The following DENND2B variants were observed in gnomAD, a reference collection of about 807,000 sequenced individuals.
DENND2B encodes DENN domain-containing protein 2B.
DENND2B carries 32 observed loss-of-function variants against 116.0 expected under a neutral mutation model. The observed-to-expected ratio is 0.28, with a 90% CI of 0.21 to 0.37. The LOEUF is 0.37. Ranked by LOEUF, DENND2B falls within the 10% of genes least tolerant of loss-of-function variation. DENND2B has a pLI of 1.00. For synonymous variants in DENND2B, 588 were observed against 583.9 expected (o/e 1.01, Z -0.10); for missense variants, 1,276 against 1,477.7 (o/e 0.86, Z 2.24).
intron 4 of DENND2B, among the ~76,000 whole-genome samples, chr11:8,838,368 A>G (rs1312240378): frequency 6.6e-6 from 1 of 152,256 alleles, no homozygotes; most frequent in African/African-American, 2.4e-5. Context: ...GTAACACTGC[A>G]GGGATTAGAA....
At chr11:8,877,173 G>A (rs1252628313) in intron 2 of DENND2B, among the ~76,000 whole-genome samples, 2 of 136,668 alleles carry the variant, frequency 1.5e-5, no homozygotes, top group Admixed American at 8.4e-5. Flanking sequence ...GTGCGATCTC[G>A]GCTCACTGCA....
At chr11:8,876,247 C>T (rs910669191), upstream of DENND2B, among the ~76,000 whole-genome samples, 4 of 151,950 alleles carry the variant, frequency 2.6e-5, no homozygotes, top group East Asian at 7.7e-4. Context: ...CATATATATA[C>T]TTTAATCTTG....
intron 1 of DENND2B, among the ~76,000 whole-genome samples, chr11:8,759,175 G>A (rs2054133549): frequency 6.6e-6 from 1 of 152,188 alleles, no homozygotes; most frequent in African/African-American, 2.4e-5. Context: ...TTTCTGAGGG[G>A]TGCCCCACCT....
intron 1 of DENND2B, among the ~76,000 whole-genome samples, chr11:8,803,617 A>C (rs939989479): frequency 6.6e-6 from 1 of 152,264 alleles, no homozygotes; most frequent in Admixed American, 6.5e-5. Context: ...CAACAGCAGC[A>C]GCTAACATTT....
intron 1 of DENND2B, among the ~76,000 whole-genome samples, chr11:8,790,192 T>G (rs1593731678): frequency 6.6e-6 from 1 of 152,198 alleles, no homozygotes; most frequent in South Asian, 2.1e-4. Flanking sequence ...CTATGCCTCC[T>G]TCAAAATCTG....
At chr11:8,721,572 C>G (rs1182474165) in intron 4 of DENND2B, among the ~76,000 whole-genome samples, 4 of 152,180 alleles carry the variant, frequency 2.6e-5, no homozygotes, top group African/African-American at 9.6e-5. Flanking sequence ...TCACACAGGA[C>G]AGAAAGGGCC....
At chr11:8,887,307 G>A (rs2063972761) in intron 1 of DENND2B, among the ~76,000 whole-genome samples, 2 of 152,084 alleles carry the variant, frequency 1.3e-5, no homozygotes, top group African/African-American at 4.8e-5. Flanking sequence ...TGCTTAGGCA[G>A]GTTAAACAAT....
chr11:8,901,214 C>CTT (rs1193798520), intron 1 of DENND2B, among the ~76,000 whole-genome samples: 9 of 48,556 alleles, frequency 1.9e-4, no homozygotes, highest in Middle Eastern at 7.7e-3. Context: ...CTTTTTCTTT[C>CTT]TTTTCTTTTC....
chr11:8,849,040 C>A (rs1387171118), intron 3 of DENND2B, among the ~76,000 whole-genome samples: 1 of 148,848 alleles, frequency 6.7e-6, no homozygotes, highest in East Asian at 2.0e-4. Context: ...AAATTTCAAT[C>A]GGGGTGGATG....
intron 13 of DENND2B, among the ~76,000 whole-genome samples, chr11:8,706,304 C>T (rs1421396371): frequency 6.6e-6 from 1 of 152,136 alleles, no homozygotes; most frequent in African/African-American, 2.4e-5. Flanking sequence ...TTATCATACC[C>T]CTGCTTTAGA....
At chr11:8,861,364 C>T (rs1454220426) in intron 2 of DENND2B, among the ~76,000 whole-genome samples, 1 of 151,924 alleles carries the variant, frequency 6.6e-6, no homozygotes, top group East Asian at 1.9e-4. Flanking sequence ...AAAAACCGAG[C>T]AAATGATATG....
intron 14 of DENND2B, chr11:8,699,718 G>A (rs946395743): frequency 2.2e-5 from 9 of 418,546 alleles, no homozygotes; most frequent in Admixed American, 2.0e-4. Flanking sequence ...GGAGGCAGTA[G>A]GTTTTGTAAA....
intron 2 of DENND2B, among the ~76,000 whole-genome samples, chr11:8,744,095 T>C (rs1443452388): frequency 6.6e-6 from 1 of 151,856 alleles, no homozygotes; most frequent in African/African-American, 2.4e-5. Context: ...TTTGCTATTA[T>C]AATGGATTAT....
At chr11:8,893,560 C>T (rs2064060141) in intron 1 of DENND2B, among the ~76,000 whole-genome samples, 1 of 152,194 alleles carries the variant, frequency 6.6e-6, no homozygotes, top group Non-Finnish European at 1.5e-5. Flanking sequence ...TCTCAGGATA[C>T]AAAATCAATG....
At chr11:8,784,198 T>C (rs1216278821) in intron 1 of DENND2B, 1 of 147,222 alleles carries the variant, frequency 6.8e-6, no homozygotes, top group African/African-American at 2.5e-5. Flanking sequence ...GATTGAACTA[T>C]GATAAAGAAG....
At chr11:8,709,766 T>C (rs2043268666) in intron 11 of DENND2B, among the ~76,000 whole-genome samples, 1 of 152,194 alleles carries the variant, frequency 6.6e-6, no homozygotes, top group Non-Finnish European at 1.5e-5. Context: ...TAATAACCCA[T>C]GGGCTATTGT....
At chr11:8,731,983 C>T (rs1028005524) in intron 2 of DENND2B, among the ~76,000 whole-genome samples, 1 of 152,198 alleles carries the variant, frequency 6.6e-6, no homozygotes, top group Non-Finnish European at 1.5e-5. Context: ...CCTGGGACTT[C>T]TGCTACTAGA....
intron 2 of DENND2B, among the ~76,000 whole-genome samples, chr11:8,868,190 G>T (rs1024610728): frequency 6.6e-6 from 1 of 152,142 alleles, no homozygotes; most frequent in Non-Finnish European, 1.5e-5. Flanking sequence ...CAAGCTACTC[G>T]CTGCAGGGTA....
At chr11:8,698,159 AAAAAAAAG>A (rs1304212355) in intron 16 of DENND2B, among the ~76,000 whole-genome samples, 4 of 149,262 alleles carry the variant, frequency 2.7e-5, no homozygotes, top group Non-Finnish European at 4.5e-5. Context: ...AAAAAAAAAA[AAAAAAAAG>A]GGGGTAGAGC....
Sources: allele counts gnomAD v4.1 joint callset (sites outside exome capture counted in the v4.1 genomes callset), GRCh38; gene constraint gnomAD v4.1.1; transcripts MANE v1.5; gene names NCBI Gene and HGNC (gene_info 2026-07-23, HGNC 2026-07-21).